The following NR2F1-AS1 variants were observed in gnomAD, a reference collection of about 807,000 sequenced individuals.
The protein encoded by NR2F1-AS1 is NR2F1 regulatory antisense RNA 1.
chr5:93,523,402 A>T (rs1751544998), intron 4 of NR2F1-AS1, among the ~76,000 whole-genome samples: 1 of 152,196 alleles, frequency 6.6e-6, no homozygotes, highest in African/African-American at 2.4e-5. Context: ...ACCTGGGGGA[A>T]GTGGCAGCTG....
intron 4 of NR2F1-AS1, among the ~76,000 whole-genome samples, chr5:93,471,793 T>C (rs796459987): frequency 6.6e-6 from 1 of 151,902 alleles, no homozygotes; most frequent in African/African-American, 2.4e-5. Flanking sequence ...TGAAGCACCA[T>C]GGACAATGGT....
intron 4 of NR2F1-AS1, among the ~76,000 whole-genome samples, chr5:93,439,754 C>A (rs1267384154): frequency 1.3e-5 from 2 of 152,164 alleles, no homozygotes; most frequent in African/African-American, 2.4e-5. Flanking sequence ...TCTGATTAAG[C>A]CCCTCTTCAT....
chr5:93,474,764 C>T (rs1029767354), intron 4 of NR2F1-AS1, among the ~76,000 whole-genome samples: 4 of 152,266 alleles, frequency 2.6e-5, no homozygotes, highest in East Asian at 1.9e-4. Context: ...AAGGCCAAGC[C>T]AATACATTGG....
chr5:93,564,704 G>A (rs1752576104), intron 1 of NR2F1-AS1, among the ~76,000 whole-genome samples: 1 of 152,146 alleles, frequency 6.6e-6, no homozygotes, highest in Admixed American at 6.6e-5. Context: ...AGACCTGCTT[G>A]CTAAAACACT....
At chr5:93,561,656 C>T (rs896361508) in intron 2 of NR2F1-AS1, among the ~76,000 whole-genome samples, 23 of 151,908 alleles carry the variant, frequency 1.5e-4, no homozygotes, top group African/African-American at 5.6e-4. Context: ...GCCTGTGGTC[C>T]CAGCTCCATA....
chr5:93,426,386 C>G (rs1450917428), intron 4 of NR2F1-AS1, among the ~76,000 whole-genome samples: 2 of 152,134 alleles, frequency 1.3e-5, no homozygotes, highest in Non-Finnish European at 2.9e-5. Context: ...CAGGGCAATG[C>G]TCCTTGCCAA....
intron 4 of NR2F1-AS1, among the ~76,000 whole-genome samples, chr5:93,483,960 C>T (rs1016817734): frequency 6.6e-6 from 1 of 151,786 alleles, no homozygotes; most frequent in Non-Finnish European, 1.5e-5. Context: ...GTGAAAAGAC[C>T]AAACCTATGT....
intron 4 of NR2F1-AS1, among the ~76,000 whole-genome samples, chr5:93,463,529 T>C (rs1047561694): frequency 3.3e-5 from 5 of 151,950 alleles, no homozygotes; most frequent in African/African-American, 1.2e-4. Flanking sequence ...GAGGCCATCA[T>C]CCTCCAGGCC....
chr5:93,421,281 C>G (rs1251452839), intron 4 of NR2F1-AS1, among the ~76,000 whole-genome samples: 1 of 151,794 alleles, frequency 6.6e-6, no homozygotes, highest in Non-Finnish European at 1.5e-5. Flanking sequence ...TGTGTTTCCA[C>G]TGATCTATTT....
At chr5:93,442,244 T>C (rs1187406832) in intron 4 of NR2F1-AS1, among the ~76,000 whole-genome samples, 1 of 152,106 alleles carries the variant, frequency 6.6e-6, no homozygotes, top group Non-Finnish European at 1.5e-5. Context: ...GGGCGGGGCA[T>C]CACCTCACCC....
chr5:93,561,227 C>T (rs1238569680), intron 2 of NR2F1-AS1, among the ~76,000 whole-genome samples: 3 of 143,984 alleles, frequency 2.1e-5, no homozygotes, highest in South Asian at 4.2e-4. Context: ...AAGCCGAGAT[C>T]GCACAGGCAA....
intron 4 of NR2F1-AS1, among the ~76,000 whole-genome samples, chr5:93,471,747 G>C (rs1459199484): frequency 2.0e-5 from 3 of 151,820 alleles, no homozygotes; most frequent in Non-Finnish European, 4.4e-5. Context: ...AGAACTGTTG[G>C]TCATAAGTTG....
intron 4 of NR2F1-AS1, among the ~76,000 whole-genome samples, chr5:93,528,941 A>G (rs1255365706): frequency 6.6e-6 from 1 of 152,126 alleles, no homozygotes; most frequent in Non-Finnish European, 1.5e-5. Context: ...AGAAATATCT[A>G]ATGTAGATGA....
chr5:93,422,746 A>G (rs1233066520), intron 4 of NR2F1-AS1, among the ~76,000 whole-genome samples: 1 of 152,226 alleles, frequency 6.6e-6, no homozygotes, highest in Non-Finnish European at 1.5e-5. Context: ...CCACATTTAC[A>G]ACTGTAAATA....
At chr5:93,424,623 T>C (rs1424701725) in intron 4 of NR2F1-AS1, among the ~76,000 whole-genome samples, 1 of 152,138 alleles carries the variant, frequency 6.6e-6, no homozygotes, top group Non-Finnish European at 1.5e-5. Context: ...TTCAGACTAT[T>C]CTCCACATGC....
At chr5:93,482,230 T>C (rs1019375580) in intron 4 of NR2F1-AS1, among the ~76,000 whole-genome samples, 2 of 152,134 alleles carry the variant, frequency 1.3e-5, no homozygotes, top group Non-Finnish European at 2.9e-5. Flanking sequence ...AGGTGATTTA[T>C]GCATTTTCAA....
At chr5:93,426,400 C>A (rs1305738186) in intron 4 of NR2F1-AS1, among the ~76,000 whole-genome samples, 1 of 152,170 alleles carries the variant, frequency 6.6e-6, no homozygotes, top group Non-Finnish European at 1.5e-5. Flanking sequence ...TTGCCAAAAG[C>A]ATTTTTTCCT....
chr5:93,564,413 A>G (rs1406614674), intron 1 of NR2F1-AS1, among the ~76,000 whole-genome samples: 1 of 152,190 alleles, frequency 6.6e-6, no homozygotes, highest in African/African-American at 2.4e-5. Flanking sequence ...ATTATGACTC[A>G]AGCTTAGTCA....
intron 2 of NR2F1-AS1, among the ~76,000 whole-genome samples, chr5:93,559,442 T>A (rs1049040249): frequency 6.6e-6 from 1 of 152,248 alleles, no homozygotes; most frequent in Non-Finnish European, 1.5e-5. Context: ...TTTTGCTTTT[T>A]TGTTTGTGTT....
Sources: allele counts gnomAD v4.1 joint callset (sites outside exome capture counted in the v4.1 genomes callset), GRCh38; gene constraint gnomAD v4.1.1; transcripts MANE v1.5; gene names NCBI Gene and HGNC (gene_info 2026-07-23, HGNC 2026-07-21).